MAX: variants seen among roughly 807,000 people sequenced by gnomAD.
The protein encoded by MAX is protein max.
A neutral mutation model predicts 22.3 loss-of-function variants in MAX; 3 were observed. The ratio of observed to expected loss-of-function variants is 0.13; its 90% CI spans 0.06 to 0.35. The LOEUF (loss-of-function observed/expected upper bound fraction) is 0.35. Among genes scored for constraint, MAX ranks in the 10% least tolerant of loss-of-function variants. MAX has a pLI of 1.00. For missense variants in MAX, 119 were observed against 209.4 expected (o/e 0.57, Z 2.66); for synonymous variants, 72 against 77.7 (o/e 0.93, Z 0.39).
Position 65,047,099 on chromosome 14 carries a change from C to A in MAX, c.172-40815G>T, listed in dbSNP as rs1028570501. 3.1e-4 allele frequency among the ~76,000 whole-genome samples: 47 copies of A among 152,184 alleles called. No individual in the cohort carries two copies. Among genetic ancestry groups the A allele is most frequent in the Admixed American group, 2.2e-3 (34 of 15,274 alleles). On this transcript the variant is annotated intron_variant, in intron 3 of 3. Coordinates refer to the MAX transcript ENST00000341653. The surrounding 1 kb of genome is among the most constrained non-coding windows in gnomAD (Gnocchi z 5.2). ...GCAAAGGATCTGAAGAAAGAGGTCC[C>A]AGTGAAAGAACTGTCCTTCTTACTT...
In MAX at chr14:65,007,718, G is replaced by A. The variant is rs1251767028; in HGVS notation, c.172-1434C>T. ...AAAATTCATTTTTTCTTCCCTGTGG[G>A]TATTGTCACGGTTTCACACCCTTTT... On this transcript the variant is annotated intron_variant, in intron 3 of 3. Transcript: ENST00000341653. This position sits in a 1 kb window ranked among gnomAD's most constrained non-coding sequence, Gnocchi z 4.9. Among the ~76,000 whole-genome samples the A allele has an allele frequency of 6.6e-6, 1 of 152,098 alleles. No individual in the cohort carries two copies. The highest frequency in any genetic ancestry group is 6.5e-5 in the Admixed American group (1 of 15,272).
chr14:65,020,016 GCT>G (rs779349104), intron 3 of MAX, among the ~76,000 whole-genome samples: 2 of 152,134 alleles, frequency 1.3e-5, no homozygotes, highest in Non-Finnish European at 2.9e-5. Context: ...AAAAAGTCTA[GCT>G]CTGCAGTTTT....
intron 2 of MAX, among the ~76,000 whole-genome samples, chr14:65,097,127 C>A (rs1243590006): frequency 6.6e-6 from 1 of 152,176 alleles, no homozygotes; most frequent in East Asian, 1.9e-4. Flanking sequence ...ATATTTCTAC[C>A]CAACTTTCCA....
chr14:65,072,931 T>C (rs934524710), downstream of MAX, among the ~76,000 whole-genome samples: 1 of 152,056 alleles, frequency 6.6e-6, no homozygotes, highest in Non-Finnish European at 1.5e-5. Context: ...CTCTGAGGAG[T>C]GGGAAGCATT....
Position 65,101,582 on chromosome 14 carries a change from G to T in MAX, c.37-10C>A. 1.9e-6 allele frequency: 3 copies of T among 1,578,392 alleles called. No homozygotes were observed. Among genetic ancestry groups the T allele is most frequent in the Non-Finnish European group, 1.7e-6 (2 of 1,153,658 alleles). On this transcript the variant is annotated splice_polypyrimidine_tract_variant and intron_variant, in intron 1 of 4. Transcript: ENST00000358664. ...ACCTCGGTTGCTCTTCCTGGAATAA[G>T]AGAGAAAAAAAAAAATAGAAAATAT...
intron 2 of MAX, among the ~76,000 whole-genome samples, chr14:65,097,716 T>C (rs1457438746): frequency 6.6e-6 from 1 of 152,200 alleles, no homozygotes; most frequent in Non-Finnish European, 1.5e-5. Context: ...TCCGAAAAGA[T>C]CTATTTCTTA....
intron 3 of MAX, among the ~76,000 whole-genome samples, chr14:65,025,543 G>T (rs2061963228): frequency 6.6e-6 from 1 of 152,214 alleles, no homozygotes. Context: ...TGCTGGGCAT[G>T]ATGGCTCACA....
intron 3 of MAX, among the ~76,000 whole-genome samples, chr14:65,040,604 C>CT (rs35890649): frequency 0.17 from 19,978 of 117,182 alleles, 2,632 homozygotes; most frequent in East Asian, 0.4. Flanking sequence ...CCAGGCCCAG[C>CT]TTTTTTTTTT....
chr14:65,044,405 G>A lies in MAX; in HGVS notation c.172-38121C>T. On this transcript the variant is annotated intron_variant, in intron 3 of 3. Transcript: ENST00000341653. The surrounding 1 kb of genome is among the most constrained non-coding windows in gnomAD (Gnocchi z 5.5). ...GGCTGCTACTCCTTCTGGCAGGCGG[G>A]GCTCCTGCCCCTGCTCCACCGCGCA... 2 of 1,613,188 alleles carry A rather than the reference G, an allele frequency of 1.2e-6. No individual in the cohort carries two copies. The highest frequency in any genetic ancestry group is 1.7e-6 in the Non-Finnish European group (2 of 1,179,684).
chr14:65,018,412 A>G (rs1159718193), intron 3 of MAX, among the ~76,000 whole-genome samples: 2 of 152,222 alleles, frequency 1.3e-5, no homozygotes, highest in South Asian at 2.1e-4. Flanking sequence ...AGTTTAAAAG[A>G]TTTAATTTAC....
intron 3 of MAX, among the ~76,000 whole-genome samples, chr14:65,048,930 G>C (rs1317698332): frequency 1.3e-5 from 2 of 152,096 alleles, no homozygotes; most frequent in Non-Finnish European, 2.9e-5. Context: ...TTCAAGACCA[G>C]CCTGGCCAAC....
intron 2 of MAX, among the ~76,000 whole-genome samples, chr14:65,097,370 G>A (rs1364646920): frequency 6.6e-6 from 1 of 152,196 alleles, no homozygotes; most frequent in Non-Finnish European, 1.5e-5. Flanking sequence ...CTTTGTTCAA[G>A]GCATCACATC....
intron 3 of MAX, chr14:65,053,418 C>A: frequency 8.1e-7 from 1 of 1,236,420 alleles, no homozygotes; most frequent in East Asian, 3.0e-5. Context: ...CACCTCAGGC[C>A]TACTCAGAGC....
Position 65,054,699 on chromosome 14 carries a change from G to A in MAX, c.171+39009C>T, listed in dbSNP as rs1253925813. On this transcript the variant is annotated intron_variant, in intron 3 of 3. Coordinates refer to the MAX transcript ENST00000341653. The surrounding 1 kb of genome is among the most constrained non-coding windows in gnomAD (Gnocchi z 4.4). Reference sequence around the variant, plus strand: ...GCCCGAAAACGCTCTGGTAAGACGGGTGCAGGGCTTCACACCCCTTCTCCA... The same window carrying A: ...GCCCGAAAACGCTCTGGTAAGACGGATGCAGGGCTTCACACCCCTTCTCCA... 1 of 1,599,380 alleles carries A rather than the reference G, an allele frequency of 6.3e-7. No homozygotes were observed. The highest frequency in any genetic ancestry group is 1.3e-5 in the African/African-American group (1 of 74,494).
intron 3 of MAX, chr14:65,090,646 A>T (rs574674511): frequency 6.6e-6 from 1 of 152,172 alleles, no homozygotes; most frequent in Non-Finnish European, 1.5e-5. Flanking sequence ...CCAGGACTAC[A>T]GGTAAGCATC....
At chr14:65,053,151 C>CTA (rs2062651241) in intron 3 of MAX, 1 of 1,066,356 alleles carries the variant, frequency 9.4e-7, no homozygotes, top group Non-Finnish European at 1.2e-6. Flanking sequence ...GAAACCTTGA[C>CTA]TATTCCCCCA....
In MAX at chr14:65,037,421, T is replaced by C. The variant is rs2062223841; in HGVS notation, c.172-31137A>G. Among the ~76,000 whole-genome samples, 16 of 108,684 alleles carry C rather than the reference T, an allele frequency of 1.5e-4. 1 individual carries two copies. Among genetic ancestry groups the C allele is most frequent in the Admixed American group, 1.2e-3 (13 of 10,526 alleles). 71.3% of individuals were successfully genotyped at this position (108,684 alleles called of 152,430 possible). A position where few individuals can be genotyped will look rare whatever the true frequency, so the allele number is the denominator to read the frequency against. The stretch of plus-strand genomic sequence containing the variant: ...CCGGGCCCTTTTTTTTTTTTTTTTT[T>C]TTTTTTTTTTTTTTTTTTTTTTTTT... On this transcript the variant is annotated intron_variant, in intron 3 of 3. Coordinates refer to the MAX transcript ENST00000341653.
rs2063262690 is a variant in MAX at position 65,084,070 on chromosome 14, C to T, written c.172-6034G>A. On this transcript the variant is annotated intron_variant, in intron 3 of 4. Coordinates refer to ENST00000358664, the MANE Select transcript of MAX (RefSeq NM_002382.5). This position sits in a 1 kb window ranked among gnomAD's most constrained non-coding sequence, Gnocchi z 4.3. ...TTCCTGCTGCCAGGGCCTCCCCAGC[C>T]ACAGGACCATTTTGCTGATTACCAG... 3 of 1,597,182 alleles carry T rather than the reference C, an allele frequency of 1.9e-6. No homozygotes were observed. In the Admixed American group the frequency reaches 5.0e-5, roughly 27 times the overall value.
rs1164286964 is a variant in MAX, at chr14:65,079,913, T to C, written c.172-1877A>G. Among the ~76,000 whole-genome samples the C allele has an allele frequency of 6.6e-6, 1 of 152,224 alleles. No homozygotes were observed. Among genetic ancestry groups the C allele is most frequent in the African/African-American group, 2.4e-5 (1 of 41,446 alleles). On this transcript the variant is annotated intron_variant, in intron 3 of 4. Coordinates refer to ENST00000358664, the MANE Select transcript of MAX (RefSeq NM_002382.5). The surrounding 1 kb of genome is among the most constrained non-coding windows in gnomAD (Gnocchi z 4.5). ...GAAATTGTTCATAATCAACCATTTT[T>C]ATCAGGTGCAAATTACGTACAAGAT...
Sources: gnomAD v4.1 joint callset for allele counts (sites outside exome capture counted in the v4.1 genomes callset) on GRCh38, gnomAD v4.1.1 for gene constraint, Gnocchi (gnomAD v3.1) non-coding constraint, MANE v1.5 for transcripts, NCBI Gene and HGNC (gene_info 2026-07-23, HGNC 2026-07-21) for gene names.